Variants in TECTB observed in about 807,000 individuals in gnomAD.
TECTB encodes tectorin beta.
A neutral mutation model predicts 43.3 loss-of-function variants in TECTB; 45 were observed. The ratio of observed to expected loss-of-function variants is 1.04; its 90% CI spans 0.82 to 1.33. The LOEUF (loss-of-function observed/expected upper bound fraction) is 1.33. TECTB is among the 40% of genes most tolerant of loss of function. The probability of loss-of-function intolerance (pLI) is 0.00; values close to 1 mark genes in which losing one functional copy is unlikely to be tolerated. For missense variants in TECTB, 399 were observed against 404.7 expected (o/e 0.99, Z 0.12); for synonymous variants, 169 against 156.7 (o/e 1.08, Z -0.59).
chr10:112,284,504 T>C (rs1848438249), intron 2 of TECTB, 31 bp from the exon 3 acceptor site: 2 of 1,541,066 alleles, frequency 1.3e-6, no homozygotes, highest in Admixed American at 3.7e-5. Context: ...TTACCCTAAC[T>C]GATTTTAAAC....
chr10:112,300,292 AAAG>A (rs1848596040), intron 9 of TECTB, among the ~76,000 whole-genome samples: 1 of 106,860 alleles, frequency 9.4e-6, no homozygotes, highest in Non-Finnish European at 1.9e-5. Context: ...AGAAAGAAAG[AAAG>A]AAAGAAAGAA....
chr10:112,300,288 AAAG>A (rs1479266737), intron 9 of TECTB, among the ~76,000 whole-genome samples: 6 of 95,072 alleles, frequency 6.3e-5, no homozygotes, highest in East Asian at 3.4e-4. Context: ...GAAAAGAAAG[AAAG>A]AAAGAAAGAA....
chr10:112,285,497 A>G (rs1378852837), intron 3 of TECTB, among the ~76,000 whole-genome samples: 1 of 152,218 alleles, frequency 6.6e-6, no homozygotes, highest in Middle Eastern at 3.2e-3. Context: ...TTAACAAGAC[A>G]TCATGTCTTT....
In TECTB at chr10:112,287,592, T is replaced by A. The variant is rs114873671; in HGVS notation, c.483+1201T>A. On this transcript the variant is annotated intron_variant, in intron 5 of 10. Coordinates refer to ENST00000646139, the MANE Select transcript of TECTB (RefSeq NM_058222.3). ...AACTCTTTAAGCTTGCTTAACCTGCTGCCTGGAAGCTATCAGCCCTGCTGA... is the reference window on the plus strand; with the variant it reads ...AACTCTTTAAGCTTGCTTAACCTGCAGCCTGGAAGCTATCAGCCCTGCTGA... Among the ~76,000 whole-genome samples, 1,238 of 152,364 alleles carry A rather than the reference T, an allele frequency of 8.1e-3. 16 individuals carry two copies. Among genetic ancestry groups the A allele is most frequent in the African/African-American group, 0.027 (1,125 of 41,588 alleles).
intron 7 of TECTB, among the ~76,000 whole-genome samples, chr10:112,294,891 GA>G (rs1466441662): frequency 6.6e-6 from 1 of 152,224 alleles, no homozygotes; most frequent in Non-Finnish European, 1.5e-5. Context: ...GGGAGTAATG[GA>G]AAAAGATGGC....
At position 112,290,485 on chromosome 10, in the gene TECTB, G is replaced by C. The variant is rs73359300; in HGVS notation, c.484-3253G>C. On this transcript the variant is annotated intron_variant, in intron 5 of 10. Transcript: ENST00000646139. ...CTATTTCAGAAACTGAATTAACGGT[G>C]TCAGCTCTGTTCTTCACTTTGTAAC... Among the ~76,000 whole-genome samples the C allele has an allele frequency of 8.9e-4, 135 of 152,318 alleles. No individual in the cohort carries two copies. In the Middle Eastern group the frequency reaches 0.01, roughly 12 times the overall value.
intron 7 of TECTB, 59 bp downstream of exon 7, chr10:112,294,120 T>C (rs1848525300): frequency 6.6e-7 from 1 of 1,524,192 alleles, no homozygotes; most frequent in Non-Finnish European, 9.1e-7. Context: ...ATCGGGCTAC[T>C]TTGCTCTGGC....
intron 7 of TECTB, among the ~76,000 whole-genome samples, chr10:112,296,453 G>A (rs1160653766): frequency 6.6e-6 from 1 of 152,066 alleles, no homozygotes; most frequent in African/African-American, 2.4e-5. Context: ...CCCTGACAAA[G>A]CTCTGCTTAC....
chr10:112,293,726 T>A lies in TECTB; in HGVS notation c.484-12T>A. ...AGAGTTCATAATGCCCAGTGTCAATTTCCTTCCAAAGAATGCCAAGTTCTC... is the reference window on the plus strand; with the variant it reads ...AGAGTTCATAATGCCCAGTGTCAATATCCTTCCAAAGAATGCCAAGTTCTC... On this transcript the variant is annotated splice_polypyrimidine_tract_variant and intron_variant, in intron 5 of 10. Transcript: ENST00000646139. The A allele has an allele frequency of 6.2e-7, 1 of 1,612,310 alleles. No homozygotes were observed. The highest frequency in any genetic ancestry group is 1.1e-5 in the South Asian group (1 of 91,024).
intron 5 of TECTB, among the ~76,000 whole-genome samples, chr10:112,287,443 G>A (rs1266249780): frequency 6.6e-6 from 1 of 152,178 alleles, no homozygotes; most frequent in East Asian, 1.9e-4. Flanking sequence ...AGGAAGATGT[G>A]GGCAGAAATA....
rs138033364 is a variant in TECTB at position 112,302,282 on chromosome 10, C to T, written c.940+149C>T. 2.1e-3 allele frequency: 1,868 copies of T among 884,128 alleles called. 23 individuals are homozygous for T. In the African/African-American group the frequency reaches 0.027, roughly 13 times the overall value. The allele number at this position is 884,128 out of a possible 1,614,324, so 54.8% of individuals were successfully genotyped here. On this transcript the variant is annotated intron_variant, in intron 10 of 10. Transcript: ENST00000646139. ...GCACACCTGAGTGGCGCAGAGGGGG[C>T]GAGATCAAGAGGTCTCCCTCTGACC...
At chr10:112,294,112 C>T (rs41298239) in intron 7 of TECTB, 51 bp downstream of exon 7, 121,366 of 1,551,018 alleles carry the variant, frequency 0.078, 5,443 homozygotes, top group Middle Eastern at 0.1. Context: ...AGGCATTTAT[C>T]GGGCTACTTT....
chr10:112,286,331 T>C lies in TECTB; in HGVS notation c.423T>C (p.Val141=), dbSNP rs751333585. The change falls in exon 5 of 11, where the codon GTT becomes GTC. Residue 141 remains valine (V), a synonymous_variant. Transcript: ENST00000646139. ...CTCCCCTTTTCAGAGTGGCCACTGT[T>C]CACGTGAAGAACGGGAGCATGGGCA... ...QAAFDQRVAT[V]HVKNGSMGTF... 2 of 1,612,202 alleles carry C rather than the reference T, an allele frequency of 1.2e-6. No homozygotes were observed. Among genetic ancestry groups the C allele is most frequent in the East Asian group, 4.5e-5 (2 of 44,804 alleles).
chr10:112,287,512 C>T (rs1415460448), intron 5 of TECTB, among the ~76,000 whole-genome samples: 1 of 152,234 alleles, frequency 6.6e-6, no homozygotes, highest in Non-Finnish European at 1.5e-5. Flanking sequence ...TCACGTCCAA[C>T]CCATTCACTT....
At chr10:112,301,684 T>C (rs773291080) in intron 9 of TECTB, among the ~76,000 whole-genome samples, 1 of 152,176 alleles carries the variant, frequency 6.6e-6, no homozygotes, top group Non-Finnish European at 1.5e-5. Context: ...TGAAAGGCAA[T>C]GGAGCACCTG....
chr10:112,291,857 C>A (rs1564708108), intron 5 of TECTB, among the ~76,000 whole-genome samples: 1 of 152,222 alleles, frequency 6.6e-6, no homozygotes, highest in African/African-American at 2.4e-5. Context: ...AATCCACAGG[C>A]TGGGCGCAGT....
At position 112,302,017 on chromosome 10, in the gene TECTB, T is replaced by G. The variant is rs972879257; in HGVS notation, c.908-84T>G. 3 of 1,530,374 alleles carry G rather than the reference T, an allele frequency of 2.0e-6. No homozygotes were observed. The Admixed American group carries it at 5.2e-5, about 27-fold the overall frequency. 94.8% of individuals were successfully genotyped at this position (1,530,374 alleles called of 1,614,324 possible). A position where few individuals can be genotyped will look rare whatever the true frequency, so the allele number is the denominator to read the frequency against. On this transcript the variant is annotated intron_variant, in intron 9 of 10. Coordinates refer to ENST00000646139, the MANE Select transcript of TECTB (RefSeq NM_058222.3). ...TGAGCCGCAGCCCCCAGCCAGGTTT[T>G]GTGTTGTAGAAACATCACTCTGAGA...
intron 5 of TECTB, among the ~76,000 whole-genome samples, chr10:112,286,613 A>C (rs74158709): frequency 0.069 from 10,434 of 152,234 alleles, 553 homozygotes; most frequent in African/African-American, 0.14. Context: ...AAGGTATAAG[A>C]TATAAGCTAT....
chr10:112,286,462 C>G (rs557242518), intron 5 of TECTB, 71 bp downstream of exon 5: 39 of 1,492,286 alleles, frequency 2.6e-5, no homozygotes, highest in Non-Finnish European at 3.5e-5. Context: ...GATGCTTCCT[C>G]GGGATTCAGT....
Sources: gnomAD v4.1 joint callset for allele counts (sites outside exome capture counted in the v4.1 genomes callset) on GRCh38, gnomAD v4.1.1 for gene constraint, MANE v1.5 for transcripts, NCBI Gene and HGNC (gene_info 2026-07-23, HGNC 2026-07-21) for gene names.